Variants in KCNN2 observed in about 807,000 individuals in gnomAD.
The protein encoded by KCNN2 is small conductance calcium-activated potassium channel protein 2.
A neutral mutation model predicts 55.5 loss-of-function variants in KCNN2; 24 were observed. The ratio of observed to expected loss-of-function variants is 0.43; its 90% CI spans 0.31 to 0.61. The LOEUF is 0.61. Ranked by LOEUF, KCNN2 falls within the 20% of genes least tolerant of loss-of-function variation. KCNN2 has a pLI of 0.08. For synonymous variants in KCNN2, 431 were observed against 336.1 expected, an observed-to-expected ratio of 1.28 and a Z score of -3.09; for missense variants, 754 against 853.6, an observed-to-expected ratio of 0.88 and a Z score of 1.45.
At chr5:114,233,639 T>A (rs1054805287) in intron 2 of KCNN2, among the ~76,000 whole-genome samples, 1 of 152,142 alleles carries the variant, frequency 6.6e-6, no homozygotes, top group Non-Finnish European at 1.5e-5. Flanking sequence ...ACTTTTATTC[T>A]TATAGTGAAA....
intron 1 of KCNN2, among the ~76,000 whole-genome samples, chr5:114,191,340 C>G (rs975954287): frequency 5.3e-5 from 8 of 152,068 alleles, no homozygotes; most frequent in Admixed American, 2.0e-4. Flanking sequence ...GCTTCAGTGT[C>G]TGCCTGCAAT....
At chr5:114,296,417 C>A (rs1314011314) in intron 2 of KCNN2, among the ~76,000 whole-genome samples, 1 of 152,172 alleles carries the variant, frequency 6.6e-6, no homozygotes, top group Non-Finnish European at 1.5e-5. Context: ...AAGAATATTG[C>A]TTTAGGGATA....
intron 2 of KCNN2, among the ~76,000 whole-genome samples, chr5:114,330,753 C>T (rs1322629731): frequency 1.3e-5 from 2 of 152,178 alleles, no homozygotes; most frequent in African/African-American, 4.8e-5. Context: ...CCTTTCTCCT[C>T]TGGCTCCTGT....
At position 114,167,043 on chromosome 5, in the gene KCNN2, A is replaced by G. The variant is rs114232189; in HGVS notation, c.-270-54437A>G. Among the ~76,000 whole-genome samples the G allele has an allele frequency of 6.0e-3, 907 of 152,300 alleles. 7 individuals are homozygous for G. Among genetic ancestry groups the G allele is most frequent in the Non-Finnish European group, 9.3e-3 (631 of 68,010 alleles). On this transcript the variant is annotated intron_variant, in intron 1 of 10. Coordinates refer to the KCNN2 transcript ENST00000512097. ...AAATTTCTGTTAAGCCATCTAGTCT[A>G]TAGTATTTTGCGATAGCAGCCCAAA...
At chr5:114,085,053 C>CATATATATATAT (rs57320559) in intron 1 of KCNN2, among the ~76,000 whole-genome samples, 1 of 149,898 alleles carries the variant, frequency 6.7e-6, no homozygotes, top group African/African-American at 2.5e-5. Context: ...TATATAGAGA[C>CATATATATATAT]ATATATATAT....
intron 2 of KCNN2, among the ~76,000 whole-genome samples, chr5:114,294,632 A>T (rs908437391): frequency 6.6e-6 from 1 of 152,126 alleles, no homozygotes; most frequent in East Asian, 1.9e-4. Context: ...CAGTTTTGGA[A>T]TAGGTGTGGT....
intron 1 of KCNN2, among the ~76,000 whole-genome samples, chr5:114,179,746 T>C (rs1274780746): frequency 2.0e-5 from 3 of 152,230 alleles, no homozygotes; most frequent in African/African-American, 7.2e-5. Context: ...GTAGAGCGTT[T>C]AAAACCTTAA....
At position 114,232,391 on chromosome 5, in the gene KCNN2, A is replaced by G. The variant is rs1160847432; in HGVS notation, c.-185+10826A>G. 4.0e-5 allele frequency among the ~76,000 whole-genome samples: 6 copies of G among 151,190 alleles called. 1 individual carries two copies. The highest frequency in any genetic ancestry group is 1.5e-4 in the African/African-American group (6 of 40,510). On this transcript the variant is annotated intron_variant, in intron 2 of 10. Coordinates refer to the KCNN2 transcript ENST00000512097. ...TCTTCTCTACCTTTCTAAATTATAA[A>G]CATAACATTAAAAAATAAAAACTAA...
chr5:114,165,130 G>T (rs1043517284), intron 1 of KCNN2, among the ~76,000 whole-genome samples: 2 of 152,152 alleles, frequency 1.3e-5, no homozygotes, highest in Admixed American at 1.3e-4. Flanking sequence ...GTCAATCCCT[G>T]AACAAAATGG....
At chr5:114,293,330 G>C (rs1755937321) in intron 2 of KCNN2, among the ~76,000 whole-genome samples, 1 of 152,068 alleles carries the variant, frequency 6.6e-6, no homozygotes, top group Non-Finnish European at 1.5e-5. Flanking sequence ...CTGTGGGTTT[G>C]TCATAGATAG....
At chr5:114,127,452 T>G (rs1751962030) in intron 1 of KCNN2, among the ~76,000 whole-genome samples, 1 of 152,188 alleles carries the variant, frequency 6.6e-6, no homozygotes, top group Admixed American at 6.5e-5. Flanking sequence ...GAGCTGCACC[T>G]TGGCGTCTTT....
intron 1 of KCNN2, among the ~76,000 whole-genome samples, chr5:114,218,526 T>C (rs963921399): frequency 3.9e-5 from 6 of 152,158 alleles, no homozygotes; most frequent in Admixed American, 3.3e-4. Flanking sequence ...CTATGTGACA[T>C]TATGGAAAAG....
intron 3 of KCNN2, among the ~76,000 whole-genome samples, chr5:114,429,698 C>T (rs1318174740): frequency 2.6e-5 from 4 of 151,564 alleles, no homozygotes; most frequent in African/African-American, 7.3e-5. Context: ...CCTAGATTTT[C>T]TCCTAATATA....
intron 2 of KCNN2, among the ~76,000 whole-genome samples, chr5:114,269,315 A>G (rs897040951): frequency 3.9e-5 from 6 of 152,178 alleles, no homozygotes; most frequent in Admixed American, 6.5e-5. Context: ...TTGGCTTGAT[A>G]TAAGTTTCAC....
intron 2 of KCNN2, among the ~76,000 whole-genome samples, chr5:114,266,409 T>A (rs1755207832): frequency 6.6e-6 from 1 of 152,146 alleles, no homozygotes; most frequent in Non-Finnish European, 1.5e-5. Flanking sequence ...GGATTTGATA[T>A]AACACCAGGA....
chr5:114,163,126 A>T (rs1752826864), intron 1 of KCNN2, among the ~76,000 whole-genome samples: 1 of 151,960 alleles, frequency 6.6e-6, no homozygotes, highest in Admixed American at 6.6e-5. Flanking sequence ...AGCTGTTCCT[A>T]TTTGGCCATC....
chr5:114,085,484 CAA>C (rs1446176417), intron 1 of KCNN2, among the ~76,000 whole-genome samples: 1 of 151,610 alleles, frequency 6.6e-6, no homozygotes, highest in Non-Finnish European at 1.5e-5. Context: ...CTTTAGTTTC[CAA>C]TTGCTCATTG....
chr5:114,083,151 T>C (rs1750861137), intron 1 of KCNN2, among the ~76,000 whole-genome samples: 1 of 152,130 alleles, frequency 6.6e-6, no homozygotes, highest in South Asian at 2.1e-4. Flanking sequence ...GATCTGTATA[T>C]AGTAATATAT....
At chr5:114,301,405 C>T (rs1013162245) in intron 2 of KCNN2, among the ~76,000 whole-genome samples, 9 of 152,146 alleles carry the variant, frequency 5.9e-5, no homozygotes, top group Non-Finnish European at 8.8e-5. Flanking sequence ...TTTCTGTCAT[C>T]GCATGCCTCC....
Sources: allele counts gnomAD v4.1 joint callset (sites outside exome capture counted in the v4.1 genomes callset), GRCh38; gene constraint gnomAD v4.1.1; transcripts MANE v1.5; gene names NCBI Gene and HGNC (gene_info 2026-07-23, HGNC 2026-07-21).